KHSRP: variants seen among roughly 807,000 people sequenced by gnomAD.
The protein encoded by KHSRP is KH-type splicing regulatory protein, also known as far upstream element-binding protein 2.
KHSRP carries 13 observed loss-of-function variants against 94.9 expected under a neutral mutation model. That is an observed-to-expected ratio of 0.14 (90% confidence interval 0.09 to 0.22). The LOEUF is 0.22. Among genes scored for constraint, KHSRP ranks in the 10% least tolerant of loss-of-function variants. The pLI is 1.00. For synonymous variants in KHSRP, 495 were observed against 401.4 expected, an observed-to-expected ratio of 1.23 and a Z score of -2.79; for missense variants, 710 against 1,010.0, an observed-to-expected ratio of 0.70 and a Z score of 4.03.
rs766350050 is a variant in KHSRP at position 6,414,174 on chromosome 19, G to A, written c.*850C>T. ...TCACTACGGGGAGGGAAGGGTGGGAGACTAGGGGGCGGAAGAGAGGAGGGG... is the reference window on the plus strand; with the variant it reads ...TCACTACGGGGAGGGAAGGGTGGGAAACTAGGGGGCGGAAGAGAGGAGGGG... On this transcript the variant is annotated 3_prime_UTR_variant, in exon 19 of 19. Coordinates refer to ENST00000600480, the MANE Select transcript of KHSRP (RefSeq NM_001366299.1). 2 of 1,579,920 alleles carry A rather than the reference G, an allele frequency of 1.3e-6. No homozygotes were observed. Among genetic ancestry groups the A allele is most frequent in the African/African-American group, 1.4e-5 (1 of 73,606 alleles).
intron 4 of KHSRP, 29 bp from the exon 5 acceptor site, chr19:6,420,500 C>A: frequency 6.2e-7 from 1 of 1,610,642 alleles, no homozygotes; most frequent in Non-Finnish European, 8.5e-7. Context: ...AAGGTCAGTC[C>A]TCAAGTGGGA....
intron 7 of KHSRP, 129 bp downstream of exon 7, chr19:6,419,074 G>T: frequency 8.8e-7 from 1 of 1,141,040 alleles, no homozygotes; most frequent in Non-Finnish European, 1.3e-6. Flanking sequence ...ATGTTAACAT[G>T]GCTGTCTGGA....
At position 6,414,288 on chromosome 19, in the gene KHSRP, G is replaced by A. The variant is rs1219277137; in HGVS notation, c.*736C>T. ...GACGTGCTTGTTAACTGTCTAGCCAGGTGCTCGCGGGACTCGCTGAAGTCA... is the reference window on the plus strand; with the variant it reads ...GACGTGCTTGTTAACTGTCTAGCCAAGTGCTCGCGGGACTCGCTGAAGTCA... On this transcript the variant is annotated 3_prime_UTR_variant, in exon 19 of 19. Transcript: ENST00000600480. 7.1e-7 allele frequency: 1 copy of A among 1,402,590 alleles called. No individual in the cohort carries two copies. The highest frequency in any genetic ancestry group is 1.5e-5 in the African/African-American group (1 of 68,410). The allele number at this position is 1,402,590 out of a possible 1,614,324, so 86.9% of individuals were successfully genotyped here.
intron 1 of KHSRP, 79 bp downstream of exon 1, chr19:6,424,374 G>C: frequency 1.4e-6 from 1 of 722,042 alleles, no homozygotes; most frequent in Non-Finnish European, 1.7e-6. Flanking sequence ...CCCTGCGCGC[G>C]CGCGCGCACG....
rs1387850481 is a variant in KHSRP at position 6,418,938 on chromosome 19, T to TG, written c.606-63dup. 5.5e-6 allele frequency: 8 copies of TG among 1,467,418 alleles called. No homozygotes were observed. In the East Asian group the frequency reaches 1.9e-4, roughly 35 times the overall value. 90.9% of individuals were successfully genotyped at this position (1,467,418 alleles called of 1,614,324 possible). A position where few individuals can be genotyped will look rare whatever the true frequency, so the allele number is the denominator to read the frequency against. On this transcript the variant is annotated intron_variant, in intron 7 of 18. Coordinates refer to ENST00000600480, the MANE Select transcript of KHSRP (RefSeq NM_001366299.1). This position sits in a 1 kb window ranked among gnomAD's most constrained non-coding sequence, Gnocchi z 4.3. ...CCGCTGGAGAAAGGTACTGGTCTGG[T>TG]GGCCCACCCAGCTCAAAGGGAAGGC...
rs535540061 is a variant in KHSRP, at chr19:6,422,526, C to T, written c.250-90G>A. The T allele has an allele frequency of 1.0e-4, 93 of 924,982 alleles. No individual in the cohort carries two copies. The South Asian group carries it at 1.2e-3, about 12-fold the overall frequency. The allele number at this position is 924,982 out of a possible 1,614,324, so 57.3% of individuals were successfully genotyped here. Reference sequence around the variant, plus strand: ...AACTTCTCAGAACATCTCCTGGACACGAAAGCCCATCAGGTCTTGGTGTCT... The same window carrying T: ...AACTTCTCAGAACATCTCCTGGACATGAAAGCCCATCAGGTCTTGGTGTCT... On this transcript the variant is annotated intron_variant, in intron 1 of 18. Coordinates refer to ENST00000600480, the MANE Select transcript of KHSRP (RefSeq NM_001366299.1).
Position 6,418,989 on chromosome 19 carries a change from G to A in KHSRP, c.606-113C>T, listed in dbSNP as rs2092176362. 2.4e-6 allele frequency: 3 copies of A among 1,235,566 alleles called. No individual in the cohort carries two copies. Among genetic ancestry groups the A allele is most frequent in the Admixed American group, 2.9e-5 (1 of 34,614 alleles). 76.5% of individuals were successfully genotyped at this position (1,235,566 alleles called of 1,614,324 possible). A position where few individuals can be genotyped will look rare whatever the true frequency, so the allele number is the denominator to read the frequency against. On this transcript the variant is annotated intron_variant, in intron 7 of 18. Transcript: ENST00000600480. This position sits in a 1 kb window ranked among gnomAD's most constrained non-coding sequence, Gnocchi z 4.3. ...GACCCCAGAGTGTGCAAGGATGACA[G>A]GGAAGAGGGGCCAGTCACAGGGGCT...
intron 1 of KHSRP, among the ~76,000 whole-genome samples, chr19:6,422,883 C>T (rs148759784): frequency 6.6e-6 from 1 of 152,220 alleles, no homozygotes; most frequent in African/African-American, 2.4e-5. Flanking sequence ...TCAATTTTCC[C>T]CTATCTCCCC....
At position 6,414,805 on chromosome 19, in the gene KHSRP, C is replaced by A; in HGVS notation, c.*219G>T. On this transcript the variant is annotated 3_prime_UTR_variant, in exon 19 of 19. Transcript: ENST00000600480. Reference sequence around the variant, plus strand: ...CGAGGTGGTGGCGGCCGGGCCGGTGCCCACCGTCCGCGCTGTCTGCCTGCC... The same window carrying A: ...CGAGGTGGTGGCGGCCGGGCCGGTGACCACCGTCCGCGCTGTCTGCCTGCC... 8.5e-7 allele frequency: 1 copy of A among 1,171,814 alleles called. No individual in the cohort carries two copies. The highest frequency in any genetic ancestry group is 1.1e-6 in the Non-Finnish European group (1 of 948,308). 72.6% of individuals were successfully genotyped at this position (1,171,814 alleles called of 1,614,324 possible).
rs1381793828 is a variant in KHSRP, at chr19:6,416,798, G to T, written c.1267C>A (p.Pro423Thr). Residue 423 changes from proline to threonine, a missense_variant, in exon 13 of 19, where the codon CCT (proline) becomes ACT (threonine). Pro to Thr is a conservative substitution (Grantham distance 38). This residue lies in a region of KHSRP where 288 missense variants were observed against 501.1 expected (regional missense o/e 0.57). Coordinates refer to ENST00000600480, the MANE Select transcript of KHSRP (RefSeq NM_001366299.1). ...RGRGQGNWGP[P>T]GGEMTFSIPT... ...ATGGAGAAGGTCATCTCCCCGCCAG[G>T]GGGACCCCAATTGCCTTGGCCTCTT... The T allele has an allele frequency of 6.3e-7, 1 of 1,586,750 alleles. No individual in the cohort carries two copies. The highest frequency in any genetic ancestry group is 2.3e-5 in the East Asian group (1 of 44,398).
In KHSRP at chr19:6,413,484, G is replaced by A. The variant is rs2092115356; in HGVS notation, c.*1540C>T. On this transcript the variant is annotated 3_prime_UTR_variant, in exon 19 of 19. Transcript: ENST00000600480. Reference sequence around the variant, plus strand: ...GAACAGATGAAAAGACAACAGACCAGTCCTGGGAGGGGGGACGGGCGGGGC... The same window carrying A: ...GAACAGATGAAAAGACAACAGACCAATCCTGGGAGGGGGGACGGGCGGGGC... The A allele has an allele frequency of 5.7e-6, 2 of 349,312 alleles. No homozygotes were observed. The highest frequency in any genetic ancestry group is 5.9e-6 in the Non-Finnish European group (1 of 170,476). The allele number at this position is 349,312 out of a possible 1,614,324, so 21.6% of individuals were successfully genotyped here.
intron 1 of KHSRP, 129 bp from the exon 2 acceptor site, chr19:6,422,565 A>T: frequency 1.5e-6 from 1 of 656,270 alleles, no homozygotes; most frequent in Non-Finnish European, 2.7e-6. Context: ...CCTCCAACTT[A>T]GGGAAGAGTC....
intron 3 of KHSRP, 101 bp downstream of exon 3, chr19:6,421,549 T>G: frequency 7.5e-7 from 1 of 1,333,372 alleles, no homozygotes; most frequent in Non-Finnish European, 1.1e-6. Flanking sequence ...ACCAGGGGCC[T>G]CTGTAAAGAG....
rs2092165431 is a variant in KHSRP at position 6,418,096 on chromosome 19, A to G, written c.880-17T>C. On this transcript the variant is annotated splice_polypyrimidine_tract_variant and intron_variant, in intron 9 of 18. Transcript: ENST00000600480. The surrounding 1 kb of genome is among the most constrained non-coding windows in gnomAD (Gnocchi z 4.3). ...ACAGGCTTGCTGCAAACACACAGGA[A>G]GCAGCCCCCATGGGTGAGCCCTGCT... is the stretch of plus-strand genomic sequence containing the variant. The G allele has an allele frequency of 6.2e-7, 1 of 1,611,778 alleles. No homozygotes were observed. The highest frequency in any genetic ancestry group is 8.5e-7 in the Non-Finnish European group (1 of 1,178,066).
Position 6,415,745 on chromosome 19 carries a change from T to TA in KHSRP, c.1688-12dup, listed in dbSNP as rs1184920833. 2 of 1,550,556 alleles carry TA rather than the reference T, an allele frequency of 1.3e-6. No homozygotes were observed. Among genetic ancestry groups the TA allele is most frequent in the African/African-American group, 2.7e-5 (2 of 73,046 alleles). ...CTGCAGCTGCTTTGCCTGCAGGAGA[T>TA]ACCTCGGGTGAGACGGGGGGACAGA... On this transcript the variant is annotated splice_polypyrimidine_tract_variant and intron_variant, in intron 16 of 18. Transcript: ENST00000600480.
At chr19:6,421,399 C>A in intron 3 of KHSRP, 82 bp from the exon 4 acceptor site, 1 of 1,416,838 alleles carries the variant, frequency 7.1e-7, no homozygotes, top group South Asian at 1.2e-5. Context: ...TCAGTGGGAG[C>A]TGAGCCCGGC....
intron 11 of KHSRP, 115 bp from the exon 12 acceptor site, chr19:6,417,202 T>C: frequency 1.3e-6 from 1 of 770,378 alleles, no homozygotes; most frequent in Non-Finnish European, 2.0e-6. Context: ...TCAGACGCGC[T>C]GCGCCGCTCC....
intron 7 of KHSRP, 92 bp downstream of exon 7, chr19:6,419,111 C>A (rs988539153): frequency 7.9e-6 from 10 of 1,264,444 alleles, no homozygotes; most frequent in South Asian, 2.6e-5. Context: ...GAGGACATGG[C>A]GTGCAAGTTG....
rs1341623333 is a variant in KHSRP, at chr19:6,414,189, G to C, written c.*835C>G. 3 of 1,574,632 alleles carry C rather than the reference G, an allele frequency of 1.9e-6. No individual in the cohort carries two copies. The highest frequency in any genetic ancestry group is 2.6e-6 in the Non-Finnish European group (3 of 1,161,264). ...AAGGGTGGGAGACTAGGGGGCGGAAGAGAGGAGGGGCTGGAACACCGTGGG... is the reference window on the plus strand; with the variant it reads ...AAGGGTGGGAGACTAGGGGGCGGAACAGAGGAGGGGCTGGAACACCGTGGG... On this transcript the variant is annotated 3_prime_UTR_variant, in exon 19 of 19. Transcript: ENST00000600480.
Sources: allele counts gnomAD v4.1 joint callset (sites outside exome capture counted in the v4.1 genomes callset), GRCh38; gene constraint gnomAD v4.1.1; regional missense constraint gnomAD v4.1.1; non-coding constraint Gnocchi (gnomAD v3.1); transcripts MANE v1.5; gene names NCBI Gene and HGNC (gene_info 2026-07-23, HGNC 2026-07-21).